BICD1: variants seen among roughly 807,000 people sequenced by gnomAD.
BICD1 encodes protein bicaudal D homolog 1.
Under a neutral mutation model 92.5 loss-of-function variants are expected in BICD1, and 35 were observed. That is an observed-to-expected ratio of 0.38 (90% confidence interval 0.29 to 0.50). The LOEUF (loss-of-function observed/expected upper bound fraction) is 0.50, where lower values mean the gene tolerates loss of function less well. BICD1 is among the 20% of genes least tolerant of loss of function. BICD1 has a pLI of 0.93. For synonymous variants in BICD1, 429 were observed against 465.1 expected, an observed-to-expected ratio of 0.92 and a Z score of 1.00; for missense variants, 950 against 1,189.8, an observed-to-expected ratio of 0.80 and a Z score of 2.97.
At chr12:32,341,004 A>G (rs1938344169) in intron 8 of BICD1, among the ~76,000 whole-genome samples, 2 of 152,362 alleles carry the variant, frequency 1.3e-5, no homozygotes, top group East Asian at 3.9e-4. Context: ...CTAAAAGCCC[A>G]TAAAACACTT....
At chr12:32,284,243 C>T (rs535897410) in intron 2 of BICD1, among the ~76,000 whole-genome samples, 1 of 152,322 alleles carries the variant, frequency 6.6e-6, no homozygotes, top group Admixed American at 6.5e-5. Flanking sequence ...CCCCTCTCTC[C>T]AGCTTTCTCC....
intron 2 of BICD1, among the ~76,000 whole-genome samples, chr12:32,248,412 T>G (rs1312061047): frequency 6.6e-6 from 1 of 152,128 alleles, no homozygotes; most frequent in East Asian, 1.9e-4. Flanking sequence ...TATTTTCATT[T>G]TGTTTTGTTG....
chr12:32,132,532 G>A lies in BICD1; in HGVS notation c.213+24988G>A, dbSNP rs143876155. Among the ~76,000 whole-genome samples the A allele has an allele frequency of 8.1e-4, 124 of 152,288 alleles. 5 individuals are homozygous for A. The East Asian group carries it at 0.019, about 24-fold the overall frequency. On this transcript the variant is annotated intron_variant, in intron 1 of 9. Transcript: ENST00000652176. ...CTCGGAACTGTGCTGTGCACTGTGG[G>A]ACTGTGTGGCTCAATGCGGGACGGT... is the stretch of plus-strand genomic sequence containing the variant.
chr12:32,135,061 C>CCTCCCCCCCCCTTCCCCT (rs1942682396), intron 1 of BICD1, among the ~76,000 whole-genome samples: 1 of 125,188 alleles, frequency 8.0e-6, no homozygotes, highest in Non-Finnish European at 1.6e-5. Context: ...CCTCCATTCC[C>CCTCCCCCCCCCTTCCCCT]CTCCCCTCCC....
chr12:32,129,670 T>TA lies in BICD1; in HGVS notation c.213+22130dup, dbSNP rs1358944523. Among the ~76,000 whole-genome samples, 6 of 152,022 alleles carry TA rather than the reference T, an allele frequency of 3.9e-5. No individual in the cohort carries two copies. In the East Asian group the frequency reaches 7.7e-4, roughly 20 times the overall value. On this transcript the variant is annotated intron_variant, in intron 1 of 9. Coordinates refer to ENST00000652176, the MANE Select transcript of BICD1 (RefSeq NM_001714.4). ...TAGACATGAGCCACCGCACCTGGCC[T>TA]AAAACTCTTTCTTCAACATTAAGAA... is the stretch of plus-strand genomic sequence containing the variant.
At chr12:32,183,186 C>T (rs1944327956) in intron 1 of BICD1, among the ~76,000 whole-genome samples, 1 of 151,752 alleles carries the variant, frequency 6.6e-6, no homozygotes, top group South Asian at 2.1e-4. Context: ...AGGGGTGAGC[C>T]ACCACACCTG....
At chr12:32,245,483 A>G (rs554183891) in intron 2 of BICD1, among the ~76,000 whole-genome samples, 13 of 152,214 alleles carry the variant, frequency 8.5e-5, no homozygotes, top group Non-Finnish European at 1.3e-4. Flanking sequence ...CAAACAGTGT[A>G]TTGAATGTAA....
Position 32,216,383 on chromosome 12 carries a change from A to G in BICD1, c.350A>G (p.Lys117Arg). The part of the protein sequence containing the change: ...GKILEMQNEL[K>R]QSRAVVTNVQ... ...ATCTTGGAGATGCAGAACGAGCTGA[A>G]ACAGAGCCGGGCTGTGGTCACTAAT... Residue 117 changes from lysine to arginine, a missense_variant, in exon 2 of 10, where the codon AAA (lysine) becomes AGA (arginine). Transcript: ENST00000652176. 6.2e-7 allele frequency: 1 copy of G among 1,614,204 alleles called. No individual in the cohort carries two copies. Among genetic ancestry groups the G allele is most frequent in the African/African-American group, 1.3e-5 (1 of 75,050 alleles).
At chr12:32,348,606 A>G (rs1201390156) in intron 8 of BICD1, among the ~76,000 whole-genome samples, 3 of 151,704 alleles carry the variant, frequency 2.0e-5, no homozygotes, top group Non-Finnish European at 4.4e-5. Context: ...CCGGAGGAGT[A>G]ACAGGGAGGA....
At chr12:32,319,918 T>C (rs536937984) in intron 4 of BICD1, among the ~76,000 whole-genome samples, 24 of 152,312 alleles carry the variant, frequency 1.6e-4, no homozygotes, top group African/African-American at 5.3e-4. Context: ...CCATCTTTTT[T>C]AGTCTTCGTC....
chr12:32,164,241 G>A (rs1943686419), intron 1 of BICD1, among the ~76,000 whole-genome samples: 1 of 152,192 alleles, frequency 6.6e-6, no homozygotes, highest in African/African-American at 2.4e-5. Context: ...AGCAGCTTGT[G>A]TTAATTATCC....
chr12:32,322,260 T>G (rs745399551), intron 4 of BICD1, among the ~76,000 whole-genome samples: 1 of 152,116 alleles, frequency 6.6e-6, no homozygotes, highest in Non-Finnish European at 1.5e-5. Context: ...ATATGTAATT[T>G]GGATACAATT....
intron 1 of BICD1, among the ~76,000 whole-genome samples, chr12:32,152,873 G>A (rs753532789): frequency 9.2e-5 from 14 of 152,192 alleles, no homozygotes; most frequent in Non-Finnish European, 1.6e-4. Flanking sequence ...AGAAAAGGTT[G>A]TTCAGTTACA....
At position 32,334,496 on chromosome 12, in the gene BICD1, A is replaced by G; in HGVS notation, c.2101-20A>G. 6.3e-7 allele frequency: 1 copy of G among 1,588,704 alleles called. No homozygotes were observed. The highest frequency in any genetic ancestry group is 8.6e-7 in the Non-Finnish European group (1 of 1,167,954). On this transcript the variant is annotated intron_variant, in intron 5 of 9. Transcript: ENST00000652176. ...TTTTCCTGATATGAAAATTGTAAGC[A>G]GTGTGATTTTCTGCTTTAGACAGCT...
At chr12:32,163,642 A>G (rs1210850911) in intron 1 of BICD1, among the ~76,000 whole-genome samples, 2 of 152,184 alleles carry the variant, frequency 1.3e-5, no homozygotes, top group Non-Finnish European at 2.9e-5. Flanking sequence ...CTTTTATTAT[A>G]TGAAATATAA....
At chr12:32,220,716 C>T (rs1442278181) in intron 2 of BICD1, among the ~76,000 whole-genome samples, 3 of 147,518 alleles carry the variant, frequency 2.0e-5, no homozygotes, top group Admixed American at 6.8e-5. Context: ...ACTAGAAATA[C>T]CATTTGACCC....
intron 1 of BICD1, among the ~76,000 whole-genome samples, chr12:32,109,785 A>C (rs1168087865): frequency 6.6e-6 from 1 of 151,986 alleles, no homozygotes; most frequent in African/African-American, 2.4e-5. Context: ...CTTTAGTTGG[A>C]AATATAACTT....
intron 1 of BICD1, among the ~76,000 whole-genome samples, chr12:32,134,056 C>T (rs973736680): frequency 7.9e-5 from 12 of 152,156 alleles, no homozygotes; most frequent in Non-Finnish European, 1.3e-4. Context: ...GCTGGGATTA[C>T]AGGCCTGAGC....
intron 1 of BICD1, among the ~76,000 whole-genome samples, chr12:32,195,736 G>C (rs1406976342): frequency 6.6e-6 from 1 of 152,068 alleles, no homozygotes; most frequent in African/African-American, 2.4e-5. Context: ...TTTTGGAAAT[G>C]ACAACAAAAG....
Sources: gnomAD v4.1 joint callset for allele counts (sites outside exome capture counted in the v4.1 genomes callset) on GRCh38, gnomAD v4.1.1 for gene constraint, MANE v1.5 for transcripts, NCBI Gene and HGNC (gene_info 2026-07-23, HGNC 2026-07-21) for gene names.